SNTG1: variants seen among roughly 807,000 people sequenced by gnomAD.
SNTG1 encodes the protein syntrophin gamma 1, also known as gamma-1-syntrophin.
Under a neutral mutation model 74.7 loss-of-function variants are expected in SNTG1, and 39 were observed. The observed-to-expected ratio is 0.52, with a 90% CI of 0.40 to 0.68. The LOEUF is 0.68. Among genes scored for constraint, SNTG1 ranks in the 30% least tolerant of loss-of-function variants. SNTG1 has a pLI of 0.00. For synonymous variants in SNTG1, 254 were observed against 217.1 expected (o/e 1.17, Z -1.49); for missense variants, 685 against 609.5 (o/e 1.12, Z -1.30).
At chr8:50,047,929 G>C (rs898581293) in intron 1 of SNTG1, among the ~76,000 whole-genome samples, 1 of 152,070 alleles carries the variant, frequency 6.6e-6, no homozygotes, top group Non-Finnish European at 1.5e-5. Context: ...AAAATTTTAA[G>C]TTTTTTCTGC....
At chr8:50,772,750 T>G (rs1258458906) in intron 18 of SNTG1, among the ~76,000 whole-genome samples, 1 of 152,146 alleles carries the variant, frequency 6.6e-6, no homozygotes, top group Non-Finnish European at 1.5e-5. Flanking sequence ...TAGAGGGAAC[T>G]GTTCAGGTCA....
intron 2 of SNTG1, among the ~76,000 whole-genome samples, chr8:50,237,225 C>T (rs944834170): frequency 1.3e-5 from 2 of 151,870 alleles, no homozygotes; most frequent in African/African-American, 2.4e-5. Flanking sequence ...TTTGCAATTG[C>T]TTTTCTATGG....
At chr8:49,971,104 G>T (rs913682471) in intron 1 of SNTG1, among the ~76,000 whole-genome samples, 1 of 151,994 alleles carries the variant, frequency 6.6e-6, no homozygotes, top group Non-Finnish European at 1.5e-5. Flanking sequence ...GATGAACATC[G>T]ATGCAAAAAT....
chr8:50,693,650 A>C (rs749072383), intron 15 of SNTG1, among the ~76,000 whole-genome samples: 1 of 152,194 alleles, frequency 6.6e-6, no homozygotes, highest in African/African-American at 2.4e-5. Flanking sequence ...ACTTAACAGC[A>C]ACAGAATACA....
At chr8:50,260,118 G>C (rs2087107500) in intron 2 of SNTG1, among the ~76,000 whole-genome samples, 1 of 152,112 alleles carries the variant, frequency 6.6e-6, no homozygotes, top group Admixed American at 6.6e-5. Context: ...TTCTTAACAA[G>C]AATTACCCTC....
chr8:50,736,974 T>C (rs879608680), intron 17 of SNTG1, among the ~76,000 whole-genome samples: 1 of 151,642 alleles, frequency 6.6e-6, no homozygotes, highest in Non-Finnish European at 1.5e-5. Context: ...AGATCTAAAA[T>C]CAATACCCTA....
chr8:50,520,381 G>A (rs2094169639), intron 9 of SNTG1, among the ~76,000 whole-genome samples: 1 of 152,114 alleles, frequency 6.6e-6, no homozygotes, highest in Non-Finnish European at 1.5e-5. Context: ...ATAGGCATGG[G>A]CAAAGACTTC....
In SNTG1 at chr8:50,512,371, G is replaced by C. The variant is rs578137048; in HGVS notation, c.466+9491G>C. Among the ~76,000 whole-genome samples, 273 of 151,770 alleles carry C rather than the reference G, an allele frequency of 1.8e-3. 3 individuals carry two copies. The highest frequency in any genetic ancestry group is 6.2e-3 in the African/African-American group (258 of 41,402). On this transcript the variant is annotated intron_variant, in intron 9 of 18. Coordinates refer to ENST00000642720, the MANE Select transcript of SNTG1 (RefSeq NM_018967.5). ...ACATTTTTTCCTTCATTTCAACTTT[G>C]GTGAATCTGACAATTATGTGTCTTG...
chr8:50,053,172 T>C (rs1339761349), intron 1 of SNTG1, among the ~76,000 whole-genome samples: 1 of 152,104 alleles, frequency 6.6e-6, no homozygotes, highest in Non-Finnish European at 1.5e-5. Flanking sequence ...AAAGTGGAAA[T>C]GATCCAAATG....
At position 49,921,924 on chromosome 8, in the gene SNTG1, C is replaced by T. The variant is rs992678017; in HGVS notation, c.-103+9693C>T. Among the ~76,000 whole-genome samples the T allele has an allele frequency of 2.6e-5, 4 of 152,234 alleles. No homozygotes were observed. In the East Asian group the frequency reaches 7.7e-4, roughly 29 times the overall value. ...AACATGTAAGGTAGTGTTGACTTTA[C>T]TTGAAAGGCTGACATCCATTTCAGA... On this transcript the variant is annotated intron_variant, in intron 1 of 18. Coordinates refer to ENST00000642720, the MANE Select transcript of SNTG1 (RefSeq NM_018967.5).
At chr8:50,511,301 T>A (rs2094071716) in intron 9 of SNTG1, among the ~76,000 whole-genome samples, 1 of 152,228 alleles carries the variant, frequency 6.6e-6, no homozygotes, top group Non-Finnish European at 1.5e-5. Flanking sequence ...TAATTTCTGT[T>A]CTTTTACATT....
rs1489695938 is a variant in SNTG1 at position 49,911,782 on chromosome 8, G to C, written c.-552G>C. The C allele has an allele frequency of 6.6e-6, 1 of 152,290 alleles. No individual in the cohort carries two copies. The highest frequency in any genetic ancestry group is 1.5e-5 in the Non-Finnish European group (1 of 68,110). The allele number at this position is 152,290 out of a possible 1,614,324, so 9.4% of individuals were successfully genotyped here. A position where few individuals can be genotyped will look rare whatever the true frequency, so the allele number is the denominator to read the frequency against. On this transcript the variant is annotated 5_prime_UTR_variant, in exon 1 of 19. Transcript: ENST00000642720. ...CGCTGCCGCCGCCGCTGTCCTTGCC[G>C]CCACTGTCGTCGCCACGGGCAGCTG... is the stretch of plus-strand genomic sequence containing the variant.
chr8:50,188,810 G>A (rs954339569), intron 2 of SNTG1, among the ~76,000 whole-genome samples: 9 of 152,096 alleles, frequency 5.9e-5, no homozygotes, highest in Non-Finnish European at 1.3e-4. Flanking sequence ...CGTTCACTGA[G>A]GATAGTAAGG....
intron 1 of SNTG1, among the ~76,000 whole-genome samples, chr8:49,938,059 T>C (rs188792101): frequency 5.4e-4 from 82 of 152,278 alleles, no homozygotes; most frequent in Non-Finnish European, 9.9e-4. Context: ...GTAGCCTCAT[T>C]ATTGGTTCCC....
At chr8:50,679,597 C>G (rs1023702763) in intron 15 of SNTG1, among the ~76,000 whole-genome samples, 16 of 152,160 alleles carry the variant, frequency 1.1e-4, no homozygotes, top group Admixed American at 5.2e-4. Flanking sequence ...ATGGCAATTC[C>G]CTTATTTTTT....
intron 5 of SNTG1, among the ~76,000 whole-genome samples, chr8:50,438,881 G>A (rs1292711831): frequency 2.6e-5 from 4 of 152,056 alleles, no homozygotes; most frequent in Admixed American, 6.5e-5. Context: ...ATATGATGTC[G>A]TGTGCATATC....
At chr8:50,559,238 GATAA>G (rs1403596419) in intron 12 of SNTG1, among the ~76,000 whole-genome samples, 1 of 152,216 alleles carries the variant, frequency 6.6e-6, no homozygotes, top group East Asian at 1.9e-4. Context: ...GTAGTGTTTA[GATAA>G]ATAAACAAAA....
chr8:50,493,802 A>C (rs2093879754), intron 8 of SNTG1, among the ~76,000 whole-genome samples: 1 of 150,934 alleles, frequency 6.6e-6, no homozygotes, highest in Non-Finnish European at 1.5e-5. Flanking sequence ...AATAAAGACA[A>C]CTGGTAATTG....
chr8:50,055,609 C>T (rs1263873347), intron 1 of SNTG1, among the ~76,000 whole-genome samples: 2 of 152,004 alleles, frequency 1.3e-5, no homozygotes, highest in Admixed American at 1.3e-4. Flanking sequence ...GGCATTAGAA[C>T]ACATGAGGAC....
Sources: gnomAD v4.1 joint callset for allele counts (sites outside exome capture counted in the v4.1 genomes callset) on GRCh38, gnomAD v4.1.1 for gene constraint, MANE v1.5 for transcripts, NCBI Gene and HGNC (gene_info 2026-07-23, HGNC 2026-07-21) for gene names.